The following ADGRL2 variants were observed in gnomAD, a reference collection of about 807,000 sequenced individuals.
ADGRL2 encodes calcium-independent alpha-latrotoxin receptor 2.
In ADGRL2, 44 loss-of-function variants were observed where a neutral mutation model predicts 157.4. The ratio of observed to expected loss-of-function variants is 0.28; its 90% CI spans 0.22 to 0.36. The LOEUF is 0.36. ADGRL2 is among the 10% of genes least tolerant of loss of function. The pLI, the probability that ADGRL2 is intolerant of heterozygous loss-of-function variation, is 1.00. For synonymous variants in ADGRL2, 585 were observed against 624.7 expected, an observed-to-expected ratio of 0.94 and a Z score of 0.95; for missense variants, 1,510 against 1,768.9, an observed-to-expected ratio of 0.85 and a Z score of 2.63.
chr1:81,728,346 A>C (rs922489695), intron 1 of ADGRL2, among the ~76,000 whole-genome samples: 4 of 152,228 alleles, frequency 2.6e-5, no homozygotes, highest in Non-Finnish European at 4.4e-5. Flanking sequence ...TCCACTAAGA[A>C]ATCACATGAC....
intron 1 of ADGRL2, among the ~76,000 whole-genome samples, chr1:81,813,391 G>A (rs2090069339): frequency 6.6e-6 from 1 of 151,690 alleles, no homozygotes; most frequent in South Asian, 2.1e-4. Context: ...TATTTTAGTA[G>A]CTAATCTTTA....
At chr1:81,310,866 G>A (rs1325874134) in intron 1 of ADGRL2, among the ~76,000 whole-genome samples, 1 of 151,126 alleles carries the variant, frequency 6.6e-6, no homozygotes, top group African/African-American at 2.4e-5. Flanking sequence ...AAAAAAAAAG[G>A]GAGGAGTGGT....
chr1:81,851,954 G>A (rs911039975), intron 2 of ADGRL2, among the ~76,000 whole-genome samples: 1 of 151,826 alleles, frequency 6.6e-6, no homozygotes, highest in Admixed American at 6.6e-5. Flanking sequence ...GAAGAGGAAA[G>A]CATCTGACTT....
At chr1:81,370,044 T>C (rs1570749087) in intron 1 of ADGRL2, among the ~76,000 whole-genome samples, 1 of 152,196 alleles carries the variant, frequency 6.6e-6, no homozygotes, top group East Asian at 1.9e-4. Context: ...TCTGTGTTAG[T>C]TCTACCTCAC....
In ADGRL2 at chr1:81,671,421, T is replaced by C. The variant is rs116503121; in HGVS notation, c.-142-90390T>C. Among the ~76,000 whole-genome samples, 277 of 152,314 alleles carry C rather than the reference T, an allele frequency of 1.8e-3. 1 individual carries two copies. Among genetic ancestry groups the C allele is most frequent in the African/African-American group, 6.0e-3 (250 of 41,576 alleles). On this transcript the variant is annotated intron_variant, in intron 3 of 24. Coordinates refer to the ADGRL2 transcript ENST00000370721. ...TCTAAAGCTTGTTTTTAAATCAGTG[T>C]TTCTCAAACTTAATGTGCACAGAAA...
chr1:81,896,307 TAA>T (rs66867403), intron 2 of ADGRL2, among the ~76,000 whole-genome samples: 1 of 151,360 alleles, frequency 6.6e-6, no homozygotes, highest in African/African-American at 2.4e-5. Flanking sequence ...TAACTAGTTA[TAA>T]AAAAAAATAA....
At chr1:81,933,674 G>C (rs2148815423) in intron 3 of ADGRL2, among the ~76,000 whole-genome samples, 1 of 152,188 alleles carries the variant, frequency 6.6e-6, no homozygotes, top group East Asian at 1.9e-4. Context: ...ATTTTTCTTA[G>C]TATTAATAGC....
intron 2 of ADGRL2, among the ~76,000 whole-genome samples, chr1:81,544,195 A>G (rs1570449372): frequency 1.3e-5 from 2 of 152,198 alleles, no homozygotes; most frequent in African/African-American, 2.4e-5. Flanking sequence ...TCTGACTCCA[A>G]CTAGAAAGTA....
At chr1:81,846,846 G>A (rs998218727) in intron 2 of ADGRL2, among the ~76,000 whole-genome samples, 1 of 151,934 alleles carries the variant, frequency 6.6e-6, no homozygotes, top group Non-Finnish European at 1.5e-5. Flanking sequence ...AAGCCTGTTG[G>A]ATTTTAAGAG....
chr1:81,434,786 C>T (rs1056084954), intron 1 of ADGRL2, among the ~76,000 whole-genome samples: 2 of 152,176 alleles, frequency 1.3e-5, no homozygotes, highest in Non-Finnish European at 2.9e-5. Context: ...AATTGGGAAG[C>T]TGCAGGTGGT....
chr1:81,861,980 G>GT (rs2093404106), intron 2 of ADGRL2, among the ~76,000 whole-genome samples: 1 of 151,972 alleles, frequency 6.6e-6, no homozygotes, highest in African/African-American at 2.4e-5. Context: ...ATTTATAATT[G>GT]TTTTTTGTTA....
chr1:81,611,219 C>G (rs975536892), intron 3 of ADGRL2, among the ~76,000 whole-genome samples: 21 of 152,158 alleles, frequency 1.4e-4, no homozygotes, highest in African/African-American at 5.1e-4. Context: ...AGAACAGTCA[C>G]AGGCCACATG....
intron 6 of ADGRL2, among the ~76,000 whole-genome samples, chr1:81,947,834 A>G (rs1650371744): frequency 6.6e-6 from 1 of 152,176 alleles, no homozygotes; most frequent in African/African-American, 2.4e-5. Flanking sequence ...CTTAAGCTTT[A>G]TGATCATGTT....
chr1:81,636,297 G>A (rs555640577), intron 3 of ADGRL2, among the ~76,000 whole-genome samples: 10 of 152,242 alleles, frequency 6.6e-5, no homozygotes, highest in African/African-American at 2.2e-4. Context: ...GAATATGTAT[G>A]TGTGTGTATG....
chr1:81,709,641 G>A (rs1439897569), intron 1 of ADGRL2, among the ~76,000 whole-genome samples: 1 of 151,844 alleles, frequency 6.6e-6, no homozygotes, highest in Non-Finnish European at 1.5e-5. Context: ...GGTTGACCTA[G>A]CTGACACTTG....
chr1:81,987,186 T>C, intron 22 of ADGRL2, 157 bp downstream of exon 22: 1 of 1,300,138 alleles, frequency 7.7e-7, no homozygotes, highest in Non-Finnish European at 1.1e-6. Flanking sequence ...GCCAGGCTTC[T>C]AAAACTGCAC....
chr1:81,868,465 G>C (rs1272632691), intron 2 of ADGRL2, among the ~76,000 whole-genome samples: 1 of 152,036 alleles, frequency 6.6e-6, no homozygotes, highest in Non-Finnish European at 1.5e-5. Flanking sequence ...TTTGGCCCTG[G>C]ATCCTCTCTC....
At chr1:81,869,363 G>A (rs1428890795) in intron 2 of ADGRL2, among the ~76,000 whole-genome samples, 2 of 152,004 alleles carry the variant, frequency 1.3e-5, no homozygotes, top group Non-Finnish European at 2.9e-5. Flanking sequence ...AAAAGAGACT[G>A]GAAGGCCCTT....
At chr1:81,372,472 G>A (rs77952173) in intron 1 of ADGRL2, among the ~76,000 whole-genome samples, 2,436 of 152,290 alleles carry the variant, frequency 0.016, 62 homozygotes, top group African/African-American at 0.055. Flanking sequence ...CCATTTGCTA[G>A]CACCTGTACA....
Sources: allele counts gnomAD v4.1 joint callset (sites outside exome capture counted in the v4.1 genomes callset), GRCh38; gene constraint gnomAD v4.1.1; transcripts MANE v1.5; gene names NCBI Gene and HGNC (gene_info 2026-07-23, HGNC 2026-07-21).